The following FILIP1L variants were observed in gnomAD, a reference collection of about 807,000 sequenced individuals.
FILIP1L encodes the protein filamin A interacting protein 1 like.
In FILIP1L, 55 loss-of-function variants were observed where a neutral mutation model predicts 96.6. The ratio of observed to expected loss-of-function variants is 0.57; its 90% CI spans 0.46 to 0.71. The LOEUF (loss-of-function observed/expected upper bound fraction) is 0.71, where lower values mean the gene tolerates loss of function less well. FILIP1L is among the 30% of genes least tolerant of loss of function. The probability of loss-of-function intolerance (pLI) is 0.00; values close to 1 mark genes in which losing one functional copy is unlikely to be tolerated. For missense variants in FILIP1L, 1,304 were observed against 1,321.2 expected (o/e 0.99, Z 0.20); for synonymous variants, 467 against 473.9 (o/e 0.99, Z 0.19).
At position 99,850,903 on chromosome 3, in the gene FILIP1L, TG is replaced by T; in HGVS notation, c.772del (p.Gln258ArgfsTer6). 6.2e-7 allele frequency: 1 copy of T among 1,614,208 alleles called. No homozygotes were observed. Among genetic ancestry groups the T allele is most frequent in the South Asian group, 1.1e-5 (1 of 91,084 alleles). On this transcript the variant is annotated frameshift_variant, in exon 5 of 6. Coordinates refer to ENST00000477258, the MANE Select transcript of FILIP1L (RefSeq NM_001387850.1). LOFTEE classifies it high-confidence loss of function. Reference protein sequence around the residue: ...RLTAQLTLQRQKIQELTTNAK... With the variant: ...RLTAQLTLQRXKIQELTTNAK... ...ATTTGTGGTCAGCTCTTGGATTTTC[TG>T]TCTTTGAAGGGTGAGCTGTGCCGTC...
intron 1 of FILIP1L, among the ~76,000 whole-genome samples, chr3:99,954,751 G>A (rs1047725873): frequency 1.3e-5 from 2 of 151,918 alleles, no homozygotes; most frequent in African/African-American, 2.4e-5. Flanking sequence ...GCTTGAACCC[G>A]GGAGGTGGAG....
At chr3:99,830,692 G>A in intron 5 of FILIP1L, 87 bp from the exon 6 acceptor site, 2 of 417,724 alleles carry the variant, frequency 4.8e-6, no homozygotes, top group South Asian at 3.4e-5. Context: ...TCAGTTTGGA[G>A]GATTTGGCTT....
chr3:99,865,167 G>A (rs1337036032), intron 4 of FILIP1L, among the ~76,000 whole-genome samples: 1 of 152,160 alleles, frequency 6.6e-6, no homozygotes, highest in East Asian at 1.9e-4. Flanking sequence ...CATGTACCGT[G>A]TTAGTCCTGC....
In FILIP1L at chr3:99,874,306, G is replaced by T. The variant is rs1042390633; in HGVS notation, c.606-23236C>A. On this transcript the variant is annotated intron_variant, in intron 4 of 5. Coordinates refer to ENST00000477258, the MANE Select transcript of FILIP1L (RefSeq NM_001387850.1). ...GGTATACCTGAAACAATAATTGATGGTTTCTGTTTGTCTCTTCCTCTGTTA... is the reference window on the plus strand; with the variant it reads ...GGTATACCTGAAACAATAATTGATGTTTTCTGTTTGTCTCTTCCTCTGTTA... 5.3e-5 allele frequency: 8 copies of T among 152,256 alleles called. No individual in the cohort carries two copies. In the East Asian group the frequency reaches 9.6e-4, roughly 18 times the overall value. 9.4% of individuals were successfully genotyped at this position (152,256 alleles called of 1,614,324 possible). A position where few individuals can be genotyped will look rare whatever the true frequency, so the allele number is the denominator to read the frequency against.
chr3:100,034,840 G>C (rs554394093), intron 1 of FILIP1L, among the ~76,000 whole-genome samples: 1 of 152,042 alleles, frequency 6.6e-6, no homozygotes, highest in Non-Finnish European at 1.5e-5. Context: ...ATCAGTAAAC[G>C]GTATATACAT....
intron 1 of FILIP1L, among the ~76,000 whole-genome samples, chr3:100,015,831 T>A (rs894847227): frequency 2.0e-5 from 3 of 152,202 alleles, no homozygotes; most frequent in African/African-American, 7.2e-5. Flanking sequence ...TGTAAAATAA[T>A]CTCTATCACA....
At chr3:99,830,838 A>G (rs1427754707) in intron 5 of FILIP1L, among the ~76,000 whole-genome samples, 1 of 152,242 alleles carries the variant, frequency 6.6e-6, no homozygotes, top group Non-Finnish European at 1.5e-5. Flanking sequence ...GTAGATACAG[A>G]GATGAATAGA....
intron 1 of FILIP1L, among the ~76,000 whole-genome samples, chr3:99,932,505 A>G (rs143940131): frequency 4.2e-4 from 64 of 152,306 alleles, no homozygotes; most frequent in African/African-American, 1.5e-3. Flanking sequence ...AGTATTCAAA[A>G]AAATGCTACT....
rs1182934021 is a variant in FILIP1L at position 99,846,384 on chromosome 3, ACT to A, written c.3381+1909_3381+1910del. 2.0e-5 allele frequency among the ~76,000 whole-genome samples: 3 copies of A among 152,172 alleles called. No homozygotes were observed. In the South Asian group the frequency reaches 6.2e-4, roughly 32 times the overall value. ...GCCTTCCAAAATATTACATGTACCC[ACT>A]CTCAGTAACTAGAAAAAGATCTCAT... On this transcript the variant is annotated intron_variant, in intron 5 of 5. Coordinates refer to ENST00000477258, the MANE Select transcript of FILIP1L (RefSeq NM_001387850.1).
At chr3:100,016,409 T>C (rs952994559) in intron 1 of FILIP1L, among the ~76,000 whole-genome samples, 1 of 152,192 alleles carries the variant, frequency 6.6e-6, no homozygotes, top group Non-Finnish European at 1.5e-5. Flanking sequence ...CAGGCTGGTC[T>C]CAAATTCCTG....
At chr3:99,985,255 A>G (rs867706237) in intron 1 of FILIP1L, among the ~76,000 whole-genome samples, 2 of 152,182 alleles carry the variant, frequency 1.3e-5, no homozygotes, top group African/African-American at 4.8e-5. Flanking sequence ...TCTAGGGCCC[A>G]TCATGGTGGC....
At chr3:99,874,997 G>T (rs1397579813) in intron 4 of FILIP1L, among the ~76,000 whole-genome samples, 1 of 152,096 alleles carries the variant, frequency 6.6e-6, no homozygotes, top group Non-Finnish European at 1.5e-5. Context: ...AGTTTGAATT[G>T]TATATACTTA....
At chr3:99,948,395 C>T (rs996547908) in intron 1 of FILIP1L, among the ~76,000 whole-genome samples, 6 of 151,678 alleles carry the variant, frequency 4.0e-5, no homozygotes, top group African/African-American at 7.3e-5. Flanking sequence ...AAAATTAGCT[C>T]GGTAGGGTGA....
chr3:99,872,695 T>C (rs531595082), intron 4 of FILIP1L, among the ~76,000 whole-genome samples: 2 of 152,038 alleles, frequency 1.3e-5, no homozygotes, highest in South Asian at 4.1e-4. Flanking sequence ...GGAAAAAGAA[T>C]ACTGCTAATG....
At chr3:99,913,081 C>G (rs1347261428) in intron 4 of FILIP1L, among the ~76,000 whole-genome samples, 1 of 151,994 alleles carries the variant, frequency 6.6e-6, no homozygotes, top group Non-Finnish European at 1.5e-5. Flanking sequence ...CGTGAGGAAA[C>G]AAGGAGACGA....
chr3:100,081,494 A>G (rs1468635038), intron 1 of FILIP1L, among the ~76,000 whole-genome samples: 2 of 152,152 alleles, frequency 1.3e-5, no homozygotes, highest in Non-Finnish European at 2.9e-5. Context: ...TTCCATGTAT[A>G]CTTATGTAGA....
intron 1 of FILIP1L, among the ~76,000 whole-genome samples, chr3:99,948,498 T>C (rs910366229): frequency 1.4e-5 from 2 of 145,436 alleles, no homozygotes; most frequent in African/African-American, 2.6e-5. Context: ...GAGCCATGAT[T>C]ATATCATCAC....
chr3:99,835,132 C>T (rs1490317041), intron 5 of FILIP1L, among the ~76,000 whole-genome samples: 2 of 152,172 alleles, frequency 1.3e-5, no homozygotes, highest in African/African-American at 4.8e-5. Flanking sequence ...TTTCCTCTCT[C>T]TCCAATTATT....
chr3:100,068,222 A>T (rs993942141), intron 1 of FILIP1L, among the ~76,000 whole-genome samples: 6 of 152,250 alleles, frequency 3.9e-5, no homozygotes, highest in African/African-American at 1.4e-4. Flanking sequence ...TGACAAAGAT[A>T]CAGTGAATTA....
Sources: allele counts gnomAD v4.1 joint callset (sites outside exome capture counted in the v4.1 genomes callset), GRCh38; gene constraint gnomAD v4.1.1; transcripts MANE v1.5; gene names NCBI Gene and HGNC (gene_info 2026-07-23, HGNC 2026-07-21).